ARHGAP15: variants seen among roughly 807,000 people sequenced by gnomAD.
The protein encoded by ARHGAP15 is Rho GTPase activating protein 15.
In ARHGAP15, 51 loss-of-function variants were observed where a neutral mutation model predicts 63.7. That is an observed-to-expected ratio of 0.80 (90% CI 0.64 to 1.01). The LOEUF (loss-of-function observed/expected upper bound fraction) is 1.01, where lower values mean the gene tolerates loss of function less well. Among genes scored for constraint, ARHGAP15 ranks in the 50% least tolerant of loss-of-function variants. The probability of loss-of-function intolerance (pLI) is 0.00; values close to 1 mark genes in which losing one functional copy is unlikely to be tolerated. For synonymous variants in ARHGAP15, 191 were observed against 193.8 expected (o/e 0.99, Z 0.12); for missense variants, 560 against 564.6 (o/e 0.99, Z 0.08).
intron 13 of ARHGAP15, among the ~76,000 whole-genome samples, chr2:143,726,773 A>T (rs1685298833): frequency 6.6e-6 from 1 of 152,190 alleles, no homozygotes; most frequent in Admixed American, 6.5e-5. Flanking sequence ...AGTGAACCTA[A>T]CCAAGTATCT....
At chr2:143,200,788 A>AT (rs1379966946) in intron 2 of ARHGAP15, among the ~76,000 whole-genome samples, 4 of 152,108 alleles carry the variant, frequency 2.6e-5, no homozygotes, top group African/African-American at 9.7e-5. Flanking sequence ...AGAAAGTGTG[A>AT]TTTTTGAGTA....
At chr2:143,189,721 C>A (rs1691604158) in intron 2 of ARHGAP15, among the ~76,000 whole-genome samples, 1 of 152,082 alleles carries the variant, frequency 6.6e-6, no homozygotes, top group Non-Finnish European at 1.5e-5. Context: ...CTCAGCCTCC[C>A]AAAGTGCTGG....
intron 12 of ARHGAP15, among the ~76,000 whole-genome samples, chr2:143,686,270 G>GGCACATGTCTGTAATCCCA (rs1553522137): frequency 1.3e-5 from 2 of 149,912 alleles, no homozygotes; most frequent in African/African-American, 2.5e-5. Context: ...GCTGGGTGGA[G>GGCACATGTCTGTAATCCCA]GCTATTCAGG....
At chr2:143,211,870 T>C (rs1000762807) in intron 3 of ARHGAP15, among the ~76,000 whole-genome samples, 11 of 152,168 alleles carry the variant, frequency 7.2e-5, no homozygotes, top group Non-Finnish European at 1.6e-4. Flanking sequence ...AGGATTCAGA[T>C]GGCTGCCAAT....
chr2:143,564,177 T>C (rs1290633198), intron 11 of ARHGAP15: 2 of 152,214 alleles, frequency 1.3e-5, no homozygotes, highest in African/African-American at 4.8e-5. Context: ...GCTGCCCTCA[T>C]CAAAGCAGCA....
At chr2:143,767,819 A>G (rs1483730341) in intron 13 of ARHGAP15, among the ~76,000 whole-genome samples, 170 bp from the exon 14 acceptor site, 1 of 152,176 alleles carries the variant, frequency 6.6e-6, no homozygotes, top group Non-Finnish European at 1.5e-5. Flanking sequence ...TCCTTTCCCC[A>G]AAACTCATAG....
intron 12 of ARHGAP15, among the ~76,000 whole-genome samples, chr2:143,637,535 GT>G (rs1264238379): frequency 6.6e-6 from 1 of 152,016 alleles, no homozygotes; most frequent in Non-Finnish European, 1.5e-5. Context: ...CAAAACCCAA[GT>G]TTTTAACTAC....
chr2:143,727,631 T>C (rs894801640), intron 13 of ARHGAP15, among the ~76,000 whole-genome samples: 3 of 152,228 alleles, frequency 2.0e-5, no homozygotes, highest in African/African-American at 4.8e-5. Flanking sequence ...GCTCTCATGT[T>C]GGTAAGGCTC....
chr2:143,408,017 A>ATATG (rs1558950701), intron 6 of ARHGAP15, among the ~76,000 whole-genome samples: 2 of 101,592 alleles, frequency 2.0e-5, no homozygotes, highest in Non-Finnish European at 1.9e-5. Context: ...ATATATATAT[A>ATATG]TATATATATA....
chr2:143,589,058 C>T (rs1472975446), intron 11 of ARHGAP15, among the ~76,000 whole-genome samples: 1 of 152,150 alleles, frequency 6.6e-6, no homozygotes, highest in African/African-American at 2.4e-5. Context: ...GGCCCTCTTG[C>T]CTACCCACTA....
chr2:143,184,461 A>G (rs560746374), intron 2 of ARHGAP15, among the ~76,000 whole-genome samples: 7 of 152,148 alleles, frequency 4.6e-5, no homozygotes, highest in Non-Finnish European at 8.8e-5. Flanking sequence ...CCAATAGTAA[A>G]AGGGAAGTAG....
rs553163579 is a variant in ARHGAP15 at position 143,363,501 on chromosome 2, AG to A, written c.475-72099del. Among the ~76,000 whole-genome samples, 41 of 152,342 alleles carry A rather than the reference AG, an allele frequency of 2.7e-4. 1 individual carries two copies. The South Asian group carries it at 4.3e-3, about 16-fold the overall frequency. On this transcript the variant is annotated intron_variant, in intron 6 of 13. Transcript: ENST00000295095. Reference sequence around the variant, plus strand: ...CAGAGCAAGACTCTGTCTTCAGAAAAGAAAAAAAGAATGAAAAATAGAACAC... The same window carrying A: ...CAGAGCAAGACTCTGTCTTCAGAAAAAAAAAAAGAATGAAAAATAGAACAC...
intron 6 of ARHGAP15, among the ~76,000 whole-genome samples, chr2:143,303,649 G>T (rs1683024174): frequency 6.6e-6 from 1 of 152,102 alleles, no homozygotes; most frequent in Non-Finnish European, 1.5e-5. Flanking sequence ...CACAGCAAAA[G>T]AAACTACCAT....
Position 143,230,794 on chromosome 2 carries a change from T to A in ARHGAP15, c.384+2126T>A, listed in dbSNP as rs78525995. Among the ~76,000 whole-genome samples the A allele has an allele frequency of 8.7e-3, 1,325 of 152,286 alleles. 26 individuals are homozygous for A. Among genetic ancestry groups the A allele is most frequent in the African/African-American group, 0.03 (1,256 of 41,542 alleles). On this transcript the variant is annotated intron_variant, in intron 5 of 13. Transcript: ENST00000295095. ...AGGCCTTGATTAAAGATGCTGTGGT[T>A]TTATTTTGAAAGAGATTTATGCTCA...
chr2:143,250,947 C>T (rs1480965764), intron 6 of ARHGAP15, among the ~76,000 whole-genome samples: 5 of 151,984 alleles, frequency 3.3e-5, no homozygotes, highest in African/African-American at 1.2e-4. Context: ...CAAACTAAGA[C>T]TCACCAAGTA....
chr2:143,395,045 C>A (rs1351970062), intron 6 of ARHGAP15, among the ~76,000 whole-genome samples: 1 of 152,144 alleles, frequency 6.6e-6, no homozygotes, highest in Non-Finnish European at 1.5e-5. Flanking sequence ...CCTACTACCA[C>A]ATTTAGCAAC....
At chr2:143,244,625 G>T (rs1339892643) in intron 5 of ARHGAP15, among the ~76,000 whole-genome samples, 1 of 152,296 alleles carries the variant, frequency 6.6e-6, no homozygotes, top group South Asian at 2.1e-4. Flanking sequence ...GCATAGAACC[G>T]AGAGGGATGG....
intron 12 of ARHGAP15, among the ~76,000 whole-genome samples, chr2:143,646,314 G>C (rs1038519910): frequency 6.6e-6 from 1 of 152,086 alleles, no homozygotes; most frequent in East Asian, 1.9e-4. Flanking sequence ...AAAAAAGATT[G>C]TGATATGAGA....
intron 2 of ARHGAP15, among the ~76,000 whole-genome samples, chr2:143,182,168 G>A (rs533257157): frequency 1.3e-5 from 2 of 152,122 alleles, no homozygotes; most frequent in East Asian, 3.9e-4. Flanking sequence ...TTGCCATGTT[G>A]GCCAGGCTGG....
Sources: allele counts gnomAD v4.1 joint callset (sites outside exome capture counted in the v4.1 genomes callset), GRCh38; gene constraint gnomAD v4.1.1; transcripts MANE v1.5; gene names NCBI Gene and HGNC (gene_info 2026-07-23, HGNC 2026-07-21).